Variants in MCC observed in about 807,000 individuals in gnomAD.
The protein encoded by MCC is colorectal mutant cancer protein.
MCC carries 90 observed loss-of-function variants against 116.2 expected under a neutral mutation model. That is an observed-to-expected ratio of 0.77 (90% CI 0.65 to 0.92). The LOEUF is 0.92. MCC is among the 40% of genes least tolerant of loss of function. The pLI is 0.00. For synonymous variants in MCC, 578 were observed against 510.5 expected (o/e 1.13, Z -1.78); for missense variants, 1,516 against 1,312.2 (o/e 1.16, Z -2.40).
chr5:113,162,358 C>T (rs1195784868), intron 3 of MCC, among the ~76,000 whole-genome samples: 2 of 152,194 alleles, frequency 1.3e-5, no homozygotes, highest in African/African-American at 4.8e-5. Flanking sequence ...TTTAACTTTT[C>T]TAAGCCTCAG....
Position 113,101,742 on chromosome 5 carries a change from C to A in MCC, c.1395G>T (p.Arg465Ser). Reference sequence around the variant, plus strand: ...ATTATGGATGCAGCATGCTCACCCTCCTCCGGAGCCGGTCCCGCTCTTCCC... The same window carrying A: ...ATTATGGATGCAGCATGCTCACCCTACTCCGGAGCCGGTCCCGCTCTTCCC... ...AIREERDRLR[R>S]RVRELQTRLQ... Residue 465 changes from arginine to serine, a missense_variant, in exon 8 of 19, where the codon AGG (arginine) becomes AGT (serine). Transcript: ENST00000408903. The A allele has an allele frequency of 1.2e-6, 2 of 1,613,172 alleles. No individual in the cohort carries two copies. The highest frequency in any genetic ancestry group is 1.7e-6 in the Non-Finnish European group (2 of 1,180,032).
At chr5:113,418,542 C>T (rs1038948364) in intron 1 of MCC, among the ~76,000 whole-genome samples, 3 of 152,188 alleles carry the variant, frequency 2.0e-5, no homozygotes, top group Non-Finnish European at 4.4e-5. Flanking sequence ...CCCAGTTAAG[C>T]CTTGGTTTGG....
chr5:113,481,566 G>A (rs961101684), intron 1 of MCC, among the ~76,000 whole-genome samples: 6 of 151,716 alleles, frequency 4.0e-5, no homozygotes, highest in South Asian at 2.1e-4. Flanking sequence ...GTGAAACCCC[G>A]TCTCTACTAA....
intron 3 of MCC, among the ~76,000 whole-genome samples, chr5:113,163,678 T>C (rs558863017): frequency 6.6e-6 from 1 of 152,296 alleles, no homozygotes; most frequent in South Asian, 2.1e-4. Flanking sequence ...GCAGTATTTG[T>C]TGAACGGGTA....
chr5:113,380,403 G>A (rs1339440778), intron 2 of MCC, among the ~76,000 whole-genome samples: 1 of 152,178 alleles, frequency 6.6e-6, no homozygotes, highest in Admixed American at 6.5e-5. Flanking sequence ...AATTTGTCAT[G>A]TGCTTATGCA....
chr5:113,280,082 T>A (rs1280028491), intron 3 of MCC, among the ~76,000 whole-genome samples: 4 of 152,214 alleles, frequency 2.6e-5, no homozygotes, highest in Non-Finnish European at 4.4e-5. Context: ...CACACTGATC[T>A]CTTCTCTTCC....
chr5:113,348,919 C>T (rs1181286405), intron 2 of MCC, among the ~76,000 whole-genome samples: 1 of 151,902 alleles, frequency 6.6e-6, no homozygotes, highest in African/African-American at 2.4e-5. Flanking sequence ...TAGGTGGCTA[C>T]TATGAGCAAC....
At chr5:113,152,639 A>T (rs1255353584) in intron 3 of MCC, among the ~76,000 whole-genome samples, 3 of 152,148 alleles carry the variant, frequency 2.0e-5, no homozygotes, top group Non-Finnish European at 4.4e-5. Flanking sequence ...CCTGCCCTCC[A>T]CACACAGCAT....
At chr5:113,275,776 A>G (rs1276941004) in intron 3 of MCC, among the ~76,000 whole-genome samples, 1 of 152,180 alleles carries the variant, frequency 6.6e-6, no homozygotes, top group Non-Finnish European at 1.5e-5. Flanking sequence ...CGCATAGCTT[A>G]TATGCAAATA....
intron 11 of MCC, among the ~76,000 whole-genome samples, chr5:113,075,704 G>T (rs530217676): frequency 6.8e-4 from 104 of 152,094 alleles, no homozygotes; most frequent in African/African-American, 2.4e-3. Context: ...CGAGATAAGG[G>T]AATAAAAGCA....
At chr5:113,030,067 C>G (rs1233612182) in intron 17 of MCC, among the ~76,000 whole-genome samples, 1 of 152,122 alleles carries the variant, frequency 6.6e-6, no homozygotes, top group Non-Finnish European at 1.5e-5. Context: ...TATTAAGAAA[C>G]CAGGATTTAG....
rs564652894 is a variant in MCC, at chr5:113,291,473, A to C, written c.627+49046T>G. ...GTGGCTAGGGGACCCTTACAGAAGG[A>C]GTAAGCCCGCAAGTCAACACCAATG... is the stretch of plus-strand genomic sequence containing the variant. On this transcript the variant is annotated intron_variant, in intron 3 of 18. Transcript: ENST00000408903. 1.5e-4 allele frequency among the ~76,000 whole-genome samples: 23 copies of C among 152,336 alleles called. No homozygotes were observed. The South Asian group carries it at 4.6e-3, about 30-fold the overall frequency.
rs193068505 is a variant in MCC at position 113,092,110 on chromosome 5, C to G, written c.1399-6800G>C. Among the ~76,000 whole-genome samples, 135 of 152,244 alleles carry G rather than the reference C, an allele frequency of 8.9e-4. 2 individuals carry two copies. The highest frequency in any genetic ancestry group is 3.1e-3 in the African/African-American group (127 of 41,536). On this transcript the variant is annotated intron_variant, in intron 8 of 18. Transcript: ENST00000408903. ...TGCCTACTTAGAATATTGTGGTAGGCTGAATGATGGCCCCCAAAGGCATCC... is the reference window on the plus strand; with the variant it reads ...TGCCTACTTAGAATATTGTGGTAGGGTGAATGATGGCCCCCAAAGGCATCC...
intron 3 of MCC, among the ~76,000 whole-genome samples, chr5:113,171,274 T>C (rs1268525378): frequency 6.6e-6 from 1 of 151,594 alleles, no homozygotes; most frequent in Non-Finnish European, 1.5e-5. Context: ...TTTACATCTC[T>C]GCCCCAAAAT....
At chr5:113,079,127 G>A (rs1373634478) in intron 11 of MCC, among the ~76,000 whole-genome samples, 1 of 152,196 alleles carries the variant, frequency 6.6e-6, no homozygotes, top group Non-Finnish European at 1.5e-5. Context: ...TCTTCAAGGA[G>A]AACTACAAAC....
At chr5:113,237,052 T>TG (rs1268987317) in intron 3 of MCC, among the ~76,000 whole-genome samples, 2 of 152,192 alleles carry the variant, frequency 1.3e-5, no homozygotes, top group South Asian at 2.1e-4. Context: ...TGGAAGTCCT[T>TG]GGGGAATTCA....
At chr5:113,035,826 C>T (rs1751290837) in intron 17 of MCC, among the ~76,000 whole-genome samples, 1 of 152,088 alleles carries the variant, frequency 6.6e-6, no homozygotes, top group Admixed American at 6.5e-5. Flanking sequence ...AAAAAATCTC[C>T]ACAGTGACTG....
At chr5:113,375,227 G>T (rs183009631) in intron 2 of MCC, among the ~76,000 whole-genome samples, 1 of 151,810 alleles carries the variant, frequency 6.6e-6, no homozygotes, top group East Asian at 1.9e-4. Flanking sequence ...AGTTTTCCAA[G>T]ATCAGCTTGG....
At chr5:113,396,274 GC>G (rs1769522646) in intron 1 of MCC, among the ~76,000 whole-genome samples, 1 of 152,126 alleles carries the variant, frequency 6.6e-6, no homozygotes, top group African/African-American at 2.4e-5. Context: ...GCTGCAGTGA[GC>G]CCTCATTGTG....
Sources: gnomAD v4.1 joint callset for allele counts (sites outside exome capture counted in the v4.1 genomes callset) on GRCh38, gnomAD v4.1.1 for gene constraint, MANE v1.5 for transcripts, NCBI Gene and HGNC (gene_info 2026-07-23, HGNC 2026-07-21) for gene names.